Variants in SEM1 observed in about 807,000 individuals in gnomAD.
The protein encoded by SEM1 is SEM1 26S proteasome subunit.
A neutral mutation model predicts 12.7 loss-of-function variants in SEM1; 3 were observed. The observed-to-expected ratio is 0.24, with a 90% confidence interval of 0.11 to 0.61. SEM1 has a LOEUF of 0.61. SEM1 is among the 20% of genes least tolerant of loss of function. SEM1 has a pLI of 0.88. For missense variants in SEM1, 59 were observed against 81.3 expected, an observed-to-expected ratio of 0.73 and a Z score of 1.06; for synonymous variants, 30 against 27.8, an observed-to-expected ratio of 1.08 and a Z score of -0.25.
intron 2 of SEM1, among the ~76,000 whole-genome samples, chr7:96,637,649 C>A (rs571083406): frequency 1.5e-4 from 23 of 151,970 alleles, no homozygotes; most frequent in Non-Finnish European, 2.8e-4. Context: ...AGTTTAAATG[C>A]TAAGATAATG....
At chr7:96,525,831 T>G (rs1804445808) in intron 2 of SEM1, among the ~76,000 whole-genome samples, 1 of 152,118 alleles carries the variant, frequency 6.6e-6, no homozygotes, top group Non-Finnish European at 1.5e-5. Flanking sequence ...ATCTAGGTTG[T>G]GCGCTTCTTA....
At chr7:96,646,393 A>C (rs1304143619) in intron 2 of SEM1, among the ~76,000 whole-genome samples, 1 of 152,138 alleles carries the variant, frequency 6.6e-6, no homozygotes, top group Non-Finnish European at 1.5e-5. Flanking sequence ...GTCCAGCTCA[A>C]AGTTTCTCTT....
chr7:96,666,665 TA>T (rs1789181559), intron 2 of SEM1, among the ~76,000 whole-genome samples: 1 of 144,384 alleles, frequency 6.9e-6, no homozygotes, highest in Admixed American at 7.0e-5. Flanking sequence ...GCCTCAACCA[TA>T]AAGATGTACA....
intron 2 of SEM1, among the ~76,000 whole-genome samples, chr7:96,592,041 A>T (rs1302577957): frequency 6.6e-6 from 1 of 152,058 alleles, no homozygotes; most frequent in African/African-American, 2.4e-5. Flanking sequence ...TGCTGACAAG[A>T]GGGGATGCCA....
intron 2 of SEM1, among the ~76,000 whole-genome samples, chr7:96,657,600 C>G (rs765287332): frequency 2.0e-5 from 3 of 152,262 alleles, no homozygotes; most frequent in South Asian, 2.1e-4. Flanking sequence ...TTAGGGCCAC[C>G]TCTAGTGGGT....
intron 2 of SEM1, among the ~76,000 whole-genome samples, chr7:96,647,707 T>C (rs899689462): frequency 9.2e-5 from 14 of 152,352 alleles, no homozygotes; most frequent in Admixed American, 8.5e-4. Flanking sequence ...GTAATTGTAT[T>C]TCTTTTCTTT....
At chr7:96,689,931 G>A (rs1789878883) in intron 2 of SEM1, among the ~76,000 whole-genome samples, 1 of 152,100 alleles carries the variant, frequency 6.6e-6, no homozygotes, top group Non-Finnish European at 1.5e-5. Context: ...GGAGATTATA[G>A]TATCTGCCCT....
chr7:96,518,905 A>G (rs1219470121), intron 2 of SEM1, among the ~76,000 whole-genome samples: 3 of 152,108 alleles, frequency 2.0e-5, no homozygotes, highest in African/African-American at 7.2e-5. Flanking sequence ...CCCACCACAA[A>G]TGATTCTGTC....
At chr7:96,630,051 C>A (rs770452470) in intron 2 of SEM1, among the ~76,000 whole-genome samples, 8 of 152,200 alleles carry the variant, frequency 5.3e-5, no homozygotes, top group Non-Finnish European at 1.2e-4. Flanking sequence ...TTGTGGCCAC[C>A]ACCACTAGCA....
At chr7:96,512,945 A>G (rs975395517) in intron 2 of SEM1, among the ~76,000 whole-genome samples, 3 of 152,144 alleles carry the variant, frequency 2.0e-5, no homozygotes, top group Admixed American at 1.3e-4. Context: ...TGCTTTCATT[A>G]CATAATTAAC....
chr7:96,516,529 A>G (rs1385121553), intron 2 of SEM1, among the ~76,000 whole-genome samples: 1 of 152,190 alleles, frequency 6.6e-6, no homozygotes, highest in Non-Finnish European at 1.5e-5. Context: ...AAACAACAGT[A>G]GGATACTACT....
At chr7:96,642,144 T>C (rs1808633740) in intron 2 of SEM1, among the ~76,000 whole-genome samples, 1 of 152,082 alleles carries the variant, frequency 6.6e-6, no homozygotes, top group Admixed American at 6.6e-5. Flanking sequence ...GGCTACCATA[T>C]GGTACAGCAC....
chr7:96,695,012 GA>G, intron 1 of SEM1, 121 bp from the exon 2 acceptor site: 1 of 631,372 alleles, frequency 1.6e-6, no homozygotes, highest in Non-Finnish European at 2.7e-6. Context: ...CCATATCTAT[GA>G]AAAATGGTAT....
At chr7:96,569,797 C>T (rs1482736185) in intron 2 of SEM1, among the ~76,000 whole-genome samples, 1 of 152,006 alleles carries the variant, frequency 6.6e-6, no homozygotes, top group Non-Finnish European at 1.5e-5. Context: ...GAGGTTTTGA[C>T]TTTGTTTCTG....
At chr7:96,662,177 T>C (rs1460390908) in intron 2 of SEM1, among the ~76,000 whole-genome samples, 2 of 152,078 alleles carry the variant, frequency 1.3e-5, no homozygotes, top group Non-Finnish European at 2.9e-5. Context: ...ACTGGGCATA[T>C]ACCCAAAGGA....
intron 1 of SEM1, among the ~76,000 whole-genome samples, chr7:96,491,670 G>A (rs911931739): frequency 2.0e-5 from 3 of 152,100 alleles, no homozygotes; most frequent in African/African-American, 4.8e-5. Flanking sequence ...AAAGAAAGGG[G>A]TGCCCTTCCT....
At chr7:96,666,889 A>T (rs899741408) in intron 2 of SEM1, among the ~76,000 whole-genome samples, 1 of 152,050 alleles carries the variant, frequency 6.6e-6, no homozygotes, top group African/African-American at 2.4e-5. Flanking sequence ...GACCCCAAAA[A>T]ATATGCTCCC....
At chr7:96,686,453 T>C (rs1047031492), downstream of SEM1, among the ~76,000 whole-genome samples, 4 of 152,188 alleles carry the variant, frequency 2.6e-5, no homozygotes, top group African/African-American at 9.6e-5. Context: ...GTGGCCATCA[T>C]TCAGGCCATC....
Position 96,487,365 on chromosome 7 carries a change from C to T in SEM1, c.13-948G>A, listed in dbSNP as rs985479130. Among the ~76,000 whole-genome samples the T allele has an allele frequency of 5.3e-5, 8 of 149,886 alleles. 1 individual carries two copies. Among genetic ancestry groups the T allele is most frequent in the African/African-American group, 1.3e-4 (5 of 39,328 alleles). ...AATTAGTAACACTAACCCAAAACAT[C>T]GAAAGTGTTGATGTTTTGATCAGTA... On this transcript the variant is annotated intron_variant, in intron 1 of 3. Transcript: ENST00000356686.
Sources: allele counts gnomAD v4.1 joint callset (sites outside exome capture counted in the v4.1 genomes callset), GRCh38; gene constraint gnomAD v4.1.1; transcripts MANE v1.5; gene names NCBI Gene and HGNC (gene_info 2026-07-23, HGNC 2026-07-21).